The following AGBL4 variants were observed in gnomAD, a reference collection of about 807,000 sequenced individuals.
The protein encoded by AGBL4 is AGBL carboxypeptidase 4.
AGBL4 carries 58 observed loss-of-function variants against 66.4 expected under a neutral mutation model. The observed-to-expected ratio is 0.87, with a 90% confidence interval of 0.71 to 1.09. The LOEUF is 1.09. Ranked by LOEUF, AGBL4 falls within the 50% of genes least tolerant of loss-of-function variation. The pLI, the probability that AGBL4 is intolerant of heterozygous loss-of-function variation, is 0.00. For synonymous variants in AGBL4, 234 were observed against 222.9 expected (o/e 1.05, Z -0.44); for missense variants, 579 against 631.0 (o/e 0.92, Z 0.88).
At chr1:49,798,145 G>A (rs1025416706) in intron 2 of AGBL4, among the ~76,000 whole-genome samples, 6 of 152,140 alleles carry the variant, frequency 3.9e-5, no homozygotes, top group Non-Finnish European at 5.9e-5. Flanking sequence ...GGGAAGAATC[G>A]AATCTGATGG....
intron 3 of AGBL4, among the ~76,000 whole-genome samples, chr1:49,247,757 T>A (rs1023482250): frequency 1.1e-4 from 16 of 152,176 alleles, no homozygotes; most frequent in Non-Finnish European, 1.9e-4. Flanking sequence ...CATGCACTGA[T>A]CATTAACATC....
chr1:49,922,956 G>GA (rs1194198342), intron 1 of AGBL4, among the ~76,000 whole-genome samples: 3 of 151,732 alleles, frequency 2.0e-5, no homozygotes, highest in South Asian at 2.1e-4. Flanking sequence ...AGGTGAACTA[G>GA]AAAAAAAACT....
At chr1:49,518,638 C>T (rs1414669139) in intron 3 of AGBL4, among the ~76,000 whole-genome samples, 2 of 151,868 alleles carry the variant, frequency 1.3e-5, no homozygotes, top group Non-Finnish European at 2.9e-5. Flanking sequence ...ATAATATTTG[C>T]CTTATTCAGT....
intron 2 of AGBL4, among the ~76,000 whole-genome samples, chr1:49,834,271 G>C (rs1480731484): frequency 6.6e-6 from 1 of 152,086 alleles, no homozygotes; most frequent in Non-Finnish European, 1.5e-5. Context: ...CCTCTTATTG[G>C]TCTATTCAGG....
intron 2 of AGBL4, among the ~76,000 whole-genome samples, chr1:49,770,554 C>T (rs934451497): frequency 6.6e-6 from 1 of 152,136 alleles, no homozygotes; most frequent in African/African-American, 2.4e-5. Flanking sequence ...AAAGTATTCC[C>T]TCCTCTTTAA....
Position 48,670,088 on chromosome 1 carries a change from T to C in AGBL4, c.635-6847A>G, listed in dbSNP as rs190746426. Among the ~76,000 whole-genome samples, 451 of 152,284 alleles carry C rather than the reference T, an allele frequency of 3.0e-3. 3 individuals carry two copies. The highest frequency in any genetic ancestry group is 9.9e-3 in the African/African-American group (410 of 41,552). On this transcript the variant is annotated intron_variant, in intron 6 of 13. Coordinates refer to ENST00000371839, the MANE Select transcript of AGBL4 (RefSeq NM_032785.4). Reference sequence around the variant, plus strand: ...ACAAAGAAATACTCCTGAAAAAAAATGAAGCATTGATTCTGGAATATCAGG... The same window carrying C: ...ACAAAGAAATACTCCTGAAAAAAAACGAAGCATTGATTCTGGAATATCAGG...
At chr1:49,841,591 T>G (rs1645990982) in intron 2 of AGBL4, among the ~76,000 whole-genome samples, 1 of 152,192 alleles carries the variant, frequency 6.6e-6, no homozygotes, top group South Asian at 2.1e-4. Context: ...AACTTCAAAC[T>G]ATACTCTAAG....
chr1:49,697,402 C>A lies in AGBL4; in HGVS notation c.193G>T (p.Glu65Ter). 1 of 1,537,676 alleles carries A rather than the reference C, an allele frequency of 6.5e-7. No individual in the cohort carries two copies. Among genetic ancestry groups the A allele is most frequent in the South Asian group, 1.2e-5 (1 of 82,948 alleles). Residue 65 changes from glutamate (E) to a stop codon, truncating the protein, a stop_gained, in exon 3 of 14, where the codon GAG (glutamate) becomes TAG (stop). Transcript: ENST00000371839. LOFTEE classifies it high-confidence loss of function. ...LGRVDQVSEF[E>*]YDLFIRPDTC... is the part of the protein sequence containing the mutation. ...TCCGGCCTAATGAACAGATCATACTCAAACTCAGAGACCTGGTCCACCCGG... is the reference window on the plus strand; with the variant it reads ...TCCGGCCTAATGAACAGATCATACTAAAACTCAGAGACCTGGTCCACCCGG...
At chr1:49,991,475 A>G (rs1035812402) in intron 1 of AGBL4, among the ~76,000 whole-genome samples, 64 of 152,194 alleles carry the variant, frequency 4.2e-4, no homozygotes, top group African/African-American at 1.5e-3. Flanking sequence ...GTTTTTCTAA[A>G]TCTTTAAACA....
chr1:49,064,780 T>C (rs1261578905), intron 4 of AGBL4, among the ~76,000 whole-genome samples: 3 of 152,180 alleles, frequency 2.0e-5, no homozygotes, highest in Admixed American at 6.5e-5. Flanking sequence ...TCATATATGG[T>C]CTTTGTACTC....
At chr1:49,078,902 A>C (rs536382624) in intron 4 of AGBL4, among the ~76,000 whole-genome samples, 32 of 152,184 alleles carry the variant, frequency 2.1e-4, no homozygotes, top group Non-Finnish European at 4.4e-4. Flanking sequence ...GTGGCTTTAC[A>C]TTAAAAATTC....
chr1:49,721,513 A>G (rs1323581905), intron 2 of AGBL4, among the ~76,000 whole-genome samples: 1 of 152,154 alleles, frequency 6.6e-6, no homozygotes, highest in African/African-American at 2.4e-5. Context: ...AATGCAAGGG[A>G]TATTAGGACA....
intron 6 of AGBL4, among the ~76,000 whole-genome samples, chr1:48,774,305 A>T (rs1222371766): frequency 6.6e-6 from 1 of 152,238 alleles, no homozygotes. Flanking sequence ...AGCAATTCTC[A>T]GAGCCACCAA....
At chr1:49,764,154 G>A (rs1349181123) in intron 2 of AGBL4, among the ~76,000 whole-genome samples, 1 of 152,100 alleles carries the variant, frequency 6.6e-6, no homozygotes, top group Non-Finnish European at 1.5e-5. Context: ...GTCACAACAC[G>A]CATTCCTCTG....
intron 3 of AGBL4, among the ~76,000 whole-genome samples, chr1:49,421,123 A>T (rs1410348947): frequency 6.6e-6 from 1 of 152,220 alleles, no homozygotes; most frequent in Non-Finnish European, 1.5e-5. Context: ...CTTGAGTAAA[A>T]ATCTTAAACA....
At chr1:48,988,445 AGG>A (rs1660347922) in intron 5 of AGBL4, among the ~76,000 whole-genome samples, 1 of 152,202 alleles carries the variant, frequency 6.6e-6, no homozygotes, top group Non-Finnish European at 1.5e-5. Flanking sequence ...TAAACAGTAT[AGG>A]GAAGGTCTGA....
intron 1 of AGBL4, among the ~76,000 whole-genome samples, chr1:49,869,660 A>G (rs982701114): frequency 1.4e-4 from 21 of 152,142 alleles, no homozygotes; most frequent in Non-Finnish European, 2.6e-4. Flanking sequence ...CTTAATACCT[A>G]GGTGATGGGT....
At chr1:48,549,005 C>T (rs1644209912) in intron 11 of AGBL4, among the ~76,000 whole-genome samples, 1 of 152,162 alleles carries the variant, frequency 6.6e-6, no homozygotes, top group Non-Finnish European at 1.5e-5. Flanking sequence ...TCATAAAGGT[C>T]TTTTCTTGCC....
chr1:48,941,796 C>T (rs947438051), intron 5 of AGBL4, among the ~76,000 whole-genome samples: 3 of 152,272 alleles, frequency 2.0e-5, no homozygotes, highest in Admixed American at 6.5e-5. Context: ...CAAAGTGGAA[C>T]TCAAAGAGGT....
Sources: gnomAD v4.1 joint callset for allele counts (sites outside exome capture counted in the v4.1 genomes callset) on GRCh38, gnomAD v4.1.1 for gene constraint, MANE v1.5 for transcripts, NCBI Gene and HGNC (gene_info 2026-07-23, HGNC 2026-07-21) for gene names.